INPP5F: variants seen among roughly 807,000 people sequenced by gnomAD.
The protein encoded by INPP5F is inositol polyphosphate-5-phosphatase F.
INPP5F carries 97 observed loss-of-function variants against 137.2 expected under a neutral mutation model. The observed-to-expected ratio is 0.71, with a 90% CI of 0.60 to 0.84. INPP5F has a LOEUF of 0.84. Among genes scored for constraint, INPP5F ranks in the 40% least tolerant of loss-of-function variants. The probability of loss-of-function intolerance (pLI) is 0.00; values close to 1 mark genes in which losing one functional copy is unlikely to be tolerated. For synonymous variants in INPP5F, 504 were observed against 476.9 expected, an observed-to-expected ratio of 1.06 and a Z score of -0.74; for missense variants, 1,271 against 1,371.9, an observed-to-expected ratio of 0.93 and a Z score of 1.16.
At chr10:119,765,375 ATTGTTT>A (rs1564815787) in intron 2 of INPP5F, among the ~76,000 whole-genome samples, 1 of 151,490 alleles carries the variant, frequency 6.6e-6, no homozygotes, top group African/African-American at 2.4e-5. Flanking sequence ...GTATGTGGAT[ATTGTTT>A]TTGTTTTTGA....
chr10:119,774,979 C>T (rs575709647), intron 2 of INPP5F, among the ~76,000 whole-genome samples: 72 of 146,838 alleles, frequency 4.9e-4, no homozygotes, highest in African/African-American at 1.7e-3. Flanking sequence ...CTGTTTCAGT[C>T]TAACACATAG....
chr10:119,819,252 A>AGG (rs1669331515), intron 15 of INPP5F: 3 of 44,172 alleles, frequency 6.8e-5, no homozygotes, highest in African/African-American at 1.9e-4. Context: ...TTAAAGGGGA[A>AGG]GGGTGGGTGG....
At chr10:119,807,880 G>A in intron 12 of INPP5F, 52 bp from the exon 13 acceptor site, 2 of 1,509,324 alleles carry the variant, frequency 1.3e-6, no homozygotes, top group South Asian at 2.7e-5. Context: ...CACATTTTTT[G>A]CTATGGTTTC....
intron 2 of INPP5F, among the ~76,000 whole-genome samples, chr10:119,775,967 CATTA>C (rs1564822546): frequency 6.6e-6 from 1 of 152,132 alleles, no homozygotes; most frequent in Non-Finnish European, 1.5e-5. Context: ...GTTCAGTAAA[CATTA>C]ATTCTTAGGA....
intron 1 of INPP5F, among the ~76,000 whole-genome samples, chr10:119,750,649 G>A (rs1246456804): frequency 1.3e-5 from 2 of 152,202 alleles, no homozygotes; most frequent in Non-Finnish European, 2.9e-5. Context: ...TTTGGTATAA[G>A]CATCTTCGGG....
At chr10:119,732,628 G>C (rs1263642178) in intron 1 of INPP5F, among the ~76,000 whole-genome samples, 1 of 150,472 alleles carries the variant, frequency 6.6e-6, no homozygotes, top group African/African-American at 2.4e-5. Context: ...AGCCTCCTGA[G>C]TAGCTGGGAC....
intron 3 of INPP5F, among the ~76,000 whole-genome samples, chr10:119,785,118 T>A (rs1849837046): frequency 6.6e-6 from 1 of 152,090 alleles, no homozygotes; most frequent in African/African-American, 2.4e-5. Flanking sequence ...TGGTAGACAT[T>A]TGAGTTGTTT....
intron 15 of INPP5F, among the ~76,000 whole-genome samples, chr10:119,812,507 ATAT>A (rs1829005147): frequency 1.3e-5 from 2 of 152,104 alleles, no homozygotes; most frequent in African/African-American, 4.8e-5. Flanking sequence ...ATAATCTTTA[ATAT>A]TATAAATCAG....
intron 1 of INPP5F, among the ~76,000 whole-genome samples, chr10:119,730,266 C>A (rs570332395): frequency 6.6e-6 from 1 of 152,168 alleles, no homozygotes; most frequent in Non-Finnish European, 1.5e-5. Context: ...CCTGTCACCA[C>A]GCCTGGCAAG....
chr10:119,757,084 T>TTTAC (rs1848871358), intron 2 of INPP5F, among the ~76,000 whole-genome samples: 1 of 151,868 alleles, frequency 6.6e-6, no homozygotes, highest in South Asian at 2.1e-4. Flanking sequence ...TATTTATTTA[T>TTTAC]TTATTTTTGA....
At chr10:119,747,839 A>G (rs1351564541) in intron 1 of INPP5F, among the ~76,000 whole-genome samples, 4 of 152,240 alleles carry the variant, frequency 2.6e-5, no homozygotes, top group Admixed American at 2.6e-4. Flanking sequence ...TATAATCTTG[A>G]AGAATATTTT....
At chr10:119,727,512 G>A (rs551018440) in intron 1 of INPP5F, among the ~76,000 whole-genome samples, 3 of 152,312 alleles carry the variant, frequency 2.0e-5, no homozygotes, top group African/African-American at 7.2e-5. Flanking sequence ...CTCGTTCGGG[G>A]TCACAGCCTA....
At position 119,770,918 on chromosome 10, in the gene INPP5F, AAAAT is replaced by A. The variant is rs922227661; in HGVS notation, c.179-10701_179-10698del. Among the ~76,000 whole-genome samples, 14 of 152,184 alleles carry A rather than the reference AAAAT, an allele frequency of 9.2e-5. No individual in the cohort carries two copies. In the East Asian group the frequency reaches 9.6e-4, roughly 10 times the overall value. ...TGTTCTTCAGAAGGAGATTTTTTTG[AAAAT>A]AAATAAATAAATAAAAAACTTGAGA... is the stretch of plus-strand genomic sequence containing the variant. On this transcript the variant is annotated intron_variant, in intron 2 of 19. Coordinates refer to ENST00000650623, the MANE Select transcript of INPP5F (RefSeq NM_014937.4).
chr10:119,764,472 C>T (rs1849096999), intron 2 of INPP5F, among the ~76,000 whole-genome samples: 1 of 152,158 alleles, frequency 6.6e-6, no homozygotes, highest in South Asian at 2.1e-4. Flanking sequence ...AACCCGTTCT[C>T]ATCCTTCCTC....
chr10:119,772,271 A>G (rs1271742234), intron 2 of INPP5F, among the ~76,000 whole-genome samples: 1 of 151,630 alleles, frequency 6.6e-6, no homozygotes, highest in Non-Finnish European at 1.5e-5. Context: ...GCACAAGGGG[A>G]AAAGAAACCT....
At chr10:119,825,894 A>C (rs1851738757) in intron 19 of INPP5F, 1 of 398,242 alleles carries the variant, frequency 2.5e-6, no homozygotes, top group Admixed American at 4.4e-5. Flanking sequence ...CAACAGTACA[A>C]ATGCACACAC....
At chr10:119,764,994 A>T (rs1849115269) in intron 2 of INPP5F, among the ~76,000 whole-genome samples, 1 of 151,414 alleles carries the variant, frequency 6.6e-6, no homozygotes, top group Non-Finnish European at 1.5e-5. Flanking sequence ...GTGCAGTGGC[A>T]CGATCTCAGC....
Position 119,805,415 on chromosome 10 carries a change from C to T in INPP5F, c.1273C>T (p.Leu425=). The T allele has an allele frequency of 1.2e-6, 2 of 1,613,268 alleles. No homozygotes were observed. The highest frequency in any genetic ancestry group is 1.7e-6 in the Non-Finnish European group (2 of 1,179,390). ...RGMKFENVQT[L]TDAIYDIILD... ...AATGAAGTTTGAGAATGTTCAGACA[C>T]TAACAGATGCCATTTATGACATTAT... The change falls in exon 11 of 20, where the codon CTA becomes TTA. Residue 425 remains leucine (L), a synonymous_variant. Transcript: ENST00000650623.
In INPP5F at chr10:119,787,072, A is replaced by G. The variant is rs1172803128; in HGVS notation, c.316-4445A>G. On this transcript the variant is annotated intron_variant, in intron 3 of 19. Coordinates refer to ENST00000650623, the MANE Select transcript of INPP5F (RefSeq NM_014937.4). The surrounding 1 kb of genome is among the most constrained non-coding windows in gnomAD (Gnocchi z 4.1). ...AAAACACATTAATGTTTCTTAAACA[A>G]TGGTATGAATGTTCATACTAAGGGA... Among the ~76,000 whole-genome samples the G allele has an allele frequency of 4.6e-5, 7 of 152,216 alleles. No homozygotes were observed. The highest frequency in any genetic ancestry group is 2.1e-4 in the South Asian group (1 of 4,836).
Sources: allele counts gnomAD v4.1 joint callset (sites outside exome capture counted in the v4.1 genomes callset), GRCh38; gene constraint gnomAD v4.1.1; non-coding constraint Gnocchi (gnomAD v3.1); transcripts MANE v1.5; gene names NCBI Gene and HGNC (gene_info 2026-07-23, HGNC 2026-07-21).